ITGBL1: variants seen among roughly 807,000 people sequenced by gnomAD.
ITGBL1 encodes integrin subunit beta like 1, also known as integrin beta-like protein 1.
Under a neutral mutation model 68.5 loss-of-function variants are expected in ITGBL1, and 51 were observed. That is an observed-to-expected ratio of 0.74 (90% CI 0.59 to 0.94). ITGBL1 has a LOEUF of 0.94. Ranked by LOEUF, ITGBL1 falls within the 40% of genes least tolerant of loss-of-function variation. The probability of loss-of-function intolerance (pLI) is 0.00; values close to 1 mark genes in which losing one functional copy is unlikely to be tolerated. For synonymous variants in ITGBL1, 209 were observed against 227.3 expected (o/e 0.92, Z 0.72); for missense variants, 649 against 647.4 (o/e 1.00, Z -0.03).
chr13:101,670,416 T>G (rs1448297742), intron 7 of ITGBL1, among the ~76,000 whole-genome samples: 1 of 152,180 alleles, frequency 6.6e-6, no homozygotes, highest in Non-Finnish European at 1.5e-5. Context: ...GAAACAAAAA[T>G]TTTGTGTTTT....
intron 2 of ITGBL1, among the ~76,000 whole-genome samples, chr13:101,527,303 TA>T (rs2049397441): frequency 6.6e-6 from 1 of 152,150 alleles, no homozygotes; most frequent in Non-Finnish European, 1.5e-5. Context: ...TTTCTGTTGT[TA>T]AAAGTTAGTT....
Position 101,453,956 on chromosome 13 carries a change from C to A in ITGBL1, c.172C>A (p.Pro58Thr). 6.7e-7 allele frequency: 1 copy of A among 1,496,850 alleles called. No individual in the cohort carries two copies. Among genetic ancestry groups the A allele is most frequent in the Non-Finnish European group, 8.9e-7 (1 of 1,118,084 alleles). 92.7% of individuals were successfully genotyped at this position (1,496,850 alleles called of 1,614,324 possible). ...ACGCTGCCGCGCACCTGGGCAGCCC[C>A]CGGGGGCCGCGCTGTGCCACGGCCG... ...ERRCRAPGQP[P>T]GAALCHGRGR... The change falls in exon 2 of 11, where the codon CCG (proline) becomes ACG (threonine). Residue 58 changes from proline to threonine, a missense_variant. Physicochemically the swap from Pro to Thr is conservative, Grantham distance 38 (BLOSUM62 -1). Coordinates refer to ENST00000376180, the MANE Select transcript of ITGBL1 (RefSeq NM_004791.3).
chr13:101,694,399 C>T (rs924788160), intron 8 of ITGBL1, among the ~76,000 whole-genome samples: 3 of 152,036 alleles, frequency 2.0e-5, no homozygotes, highest in Admixed American at 6.6e-5. Flanking sequence ...CTCTTGTTAC[C>T]ATTGTTACTT....
chr13:101,455,642 C>T (rs9554783), intron 2 of ITGBL1, among the ~76,000 whole-genome samples: 21,063 of 152,096 alleles, frequency 0.14, 1,818 homozygotes, highest in East Asian at 0.38. Flanking sequence ...CCAGCCTGGG[C>T]AACAGAGCGA....
intron 2 of ITGBL1, among the ~76,000 whole-genome samples, chr13:101,469,213 G>A (rs538808184): frequency 6.6e-6 from 1 of 152,190 alleles, no homozygotes; most frequent in Non-Finnish European, 1.5e-5. Context: ...AGAGAGAGAA[G>A]AAAGGCATTT....
intron 2 of ITGBL1, among the ~76,000 whole-genome samples, chr13:101,516,902 T>C (rs1342015161): frequency 6.6e-6 from 1 of 152,194 alleles, no homozygotes; most frequent in Admixed American, 6.6e-5. Context: ...TATTTACCAC[T>C]TAGAGAGAAA....
At chr13:101,473,525 C>T (rs774260482) in intron 2 of ITGBL1, among the ~76,000 whole-genome samples, 3 of 152,198 alleles carry the variant, frequency 2.0e-5, no homozygotes, top group Non-Finnish European at 4.4e-5. Flanking sequence ...CTAGCACCAC[C>T]ACTGTGGACT....
intron 9 of ITGBL1, among the ~76,000 whole-genome samples, chr13:101,707,156 C>T (rs2034281345): frequency 1.3e-5 from 2 of 152,074 alleles, no homozygotes; most frequent in Non-Finnish European, 1.5e-5. Context: ...AGAATTAATA[C>T]TTTTATCAAG....
At chr13:101,564,493 C>CATATATATGTATACATAT (rs2050150107) in intron 2 of ITGBL1, among the ~76,000 whole-genome samples, 1 of 151,094 alleles carries the variant, frequency 6.6e-6, no homozygotes, top group Non-Finnish European at 1.5e-5. Context: ...GAGATACGTA[C>CATATATATGTATACATAT]ATATATATGT....
intron 2 of ITGBL1, among the ~76,000 whole-genome samples, chr13:101,500,343 G>T (rs959392083): frequency 6.6e-6 from 1 of 152,262 alleles, no homozygotes; most frequent in East Asian, 1.9e-4. Context: ...GGAAATGAAA[G>T]TTTCATTTAT....
At chr13:101,618,637 C>A (rs1041658403) in intron 7 of ITGBL1, among the ~76,000 whole-genome samples, 2 of 152,142 alleles carry the variant, frequency 1.3e-5, no homozygotes, top group Admixed American at 1.3e-4. Flanking sequence ...TTCTGTATCA[C>A]ACCTACACCC....
At chr13:101,652,521 G>A (rs2032784088) in intron 7 of ITGBL1, among the ~76,000 whole-genome samples, 1 of 152,146 alleles carries the variant, frequency 6.6e-6, no homozygotes, top group Admixed American at 6.5e-5. Flanking sequence ...ATGCTTCAGG[G>A]CAGGCCTATT....
intron 7 of ITGBL1, among the ~76,000 whole-genome samples, chr13:101,680,983 C>T (rs541962679): frequency 1.3e-5 from 2 of 152,262 alleles, no homozygotes; most frequent in South Asian, 4.1e-4. Context: ...ACCCTGCAGG[C>T]CCTGTGTGCA....
intron 2 of ITGBL1, among the ~76,000 whole-genome samples, chr13:101,513,724 C>G (rs1329679065): frequency 1.3e-5 from 2 of 151,856 alleles, no homozygotes; most frequent in African/African-American, 4.8e-5. Context: ...AATGAAGAAC[C>G]ATTGACCCCA....
At chr13:101,703,931 T>C (rs1247383286) in intron 8 of ITGBL1, among the ~76,000 whole-genome samples, 1 of 152,108 alleles carries the variant, frequency 6.6e-6, no homozygotes, top group African/African-American at 2.4e-5. Context: ...CTAATCTAAA[T>C]AAGTAAGTTA....
rs34627046 is a variant in ITGBL1, at chr13:101,689,211, T to TAAAAAA, written c.1016-3357_1016-3352dup. Among the ~76,000 whole-genome samples, 401 of 74,788 alleles carry TAAAAAA rather than the reference T, an allele frequency of 5.4e-3. 23 individuals carry two copies. The highest frequency in any genetic ancestry group is 0.029 in the Admixed American group (199 of 6,900). 49.1% of individuals were successfully genotyped at this position (74,788 alleles called of 152,430 possible). A position where few individuals can be genotyped will look rare whatever the true frequency, so the allele number is the denominator to read the frequency against. ...CCTGGGGACAGAGCAAGACTCTGCC[T>TAAAAAA]AAAAAAAAAAAAAAAAAAAAAATTA... is the stretch of plus-strand genomic sequence containing the variant. On this transcript the variant is annotated intron_variant, in intron 7 of 10. Transcript: ENST00000376180.
chr13:101,570,589 T>C (rs2050256369), intron 3 of ITGBL1, among the ~76,000 whole-genome samples: 1 of 152,186 alleles, frequency 6.6e-6, no homozygotes, highest in African/African-American at 2.4e-5. Context: ...AAACAATGAT[T>C]CATGAATCAG....
intron 2 of ITGBL1, among the ~76,000 whole-genome samples, chr13:101,518,363 A>G (rs1021212538): frequency 1.3e-5 from 2 of 152,172 alleles, no homozygotes; most frequent in Non-Finnish European, 1.5e-5. Context: ...ATATACATAC[A>G]TTGTTATGTT....
chr13:101,662,298 T>C (rs555878871), intron 7 of ITGBL1, among the ~76,000 whole-genome samples: 1 of 152,302 alleles, frequency 6.6e-6, no homozygotes, highest in African/African-American at 2.4e-5. Flanking sequence ...TTTTAAAATT[T>C]TACTTTGTTT....
Sources: allele counts gnomAD v4.1 joint callset (sites outside exome capture counted in the v4.1 genomes callset), GRCh38; gene constraint gnomAD v4.1.1; transcripts MANE v1.5; gene names NCBI Gene and HGNC (gene_info 2026-07-23, HGNC 2026-07-21).